Variants in CD81 observed in about 807,000 individuals in gnomAD.
The protein encoded by CD81 is CD81 molecule, also known as CD81 antigen.
In CD81, 10 loss-of-function variants were observed where a neutral mutation model predicts 30.1. That is an observed-to-expected ratio of 0.33 (90% confidence interval 0.21 to 0.56). The LOEUF (loss-of-function observed/expected upper bound fraction) is 0.56. Ranked by LOEUF, CD81 falls within the 20% of genes least tolerant of loss-of-function variation. The pLI is 0.89. For synonymous variants in CD81, 147 were observed against 126.4 expected (o/e 1.16, Z -1.10); for missense variants, 263 against 308.7 (o/e 0.85, Z 1.11).
At chr11:2,381,370 C>T (rs11825089) in intron 1 of CD81, among the ~76,000 whole-genome samples, 4,560 of 152,308 alleles carry the variant, frequency 0.03, 246 homozygotes, top group African/African-American at 0.1. Context: ...GGTGCATGCC[C>T]GAAAGCCCTC....
chr11:2,390,602 G>A, intron 2 of CD81, 76 bp downstream of exon 2: 1 of 1,031,198 alleles, frequency 9.7e-7, no homozygotes, highest in South Asian at 1.3e-5. Context: ...TTTGGATGGG[G>A]ACATGGAGGG....
chr11:2,376,810 T>C (rs534575704), upstream of CD81: 2 of 152,422 alleles, frequency 1.3e-5, no homozygotes, highest in South Asian at 4.1e-4. Context: ...GGGGGCCTCA[T>C]GCCTGCCCAG....
chr11:2,381,613 G>A (rs1191309583), intron 1 of CD81, among the ~76,000 whole-genome samples: 1 of 152,240 alleles, frequency 6.6e-6, no homozygotes, highest in Non-Finnish European at 1.5e-5. Flanking sequence ...GCCTGTGCGA[G>A]GGAGCAGGTC....
intron 1 of CD81, chr11:2,384,724 G>A (rs544198937): frequency 1.2e-5 from 2 of 164,216 alleles, no homozygotes; most frequent in African/African-American, 2.4e-5. Flanking sequence ...ATGGCTCTGT[G>A]GGGAGAGGGG....
rs775870569 is a variant in CD81 at position 2,396,608 on chromosome 11, G to A, written c.562-20G>A. On this transcript the variant is annotated intron_variant, in intron 6 of 7. Coordinates refer to ENST00000263645, the MANE Select transcript of CD81 (RefSeq NM_004356.4). ...GCCGAGGCCCGGTCCCTGACCACGC[G>A]TGCCTGGCCACCCCTGCAGGAGGAC... is the stretch of plus-strand genomic sequence containing the variant. 4.7e-5 allele frequency: 75 copies of A among 1,605,550 alleles called. No individual in the cohort carries two copies. The highest frequency in any genetic ancestry group is 8.0e-5 in the African/African-American group (6 of 74,800).
At chr11:2,395,243 TC>T in intron 4 of CD81, 172 bp from the exon 5 acceptor site, 1 of 727,332 alleles carries the variant, frequency 1.4e-6, no homozygotes, top group Non-Finnish European at 2.5e-6. Flanking sequence ...GCCTCCCGTG[TC>T]CCAGCACTCC....
rs371516232 is a variant in CD81, at chr11:2,396,815, G to A, written c.660G>A (p.Met220Ile). The A allele has an allele frequency of 1.2e-6, 2 of 1,612,704 alleles. No individual in the cohort carries two copies. Among genetic ancestry groups the A allele is most frequent in the African/African-American group, 1.3e-5 (1 of 74,944 alleles). The part of the protein sequence containing the change: ...IVVAVIMIFE[M>I]ILSMVLCCGI... ...CCACCCTCCTGCAGATCTTCGAGAT[G>A]ATCCTGAGCATGGTGCTGTGCTGTG... Residue 220 changes from methionine (M) to isoleucine (I), a missense_variant, in exon 8 of 8, where the codon ATG becomes ATA. Physicochemically the swap from Met to Ile is conservative, Grantham distance 10. Around this residue, in one of 3 missense-constraint regions of CD81, gnomAD observed 176 missense variants for 192.9 expected, o/e 0.91. Transcript: ENST00000263645.
chr11:2,387,000 C>T (rs1196083422), intron 1 of CD81, among the ~76,000 whole-genome samples: 2 of 152,244 alleles, frequency 1.3e-5, no homozygotes, highest in Non-Finnish European at 2.9e-5. Context: ...GAAGCTGCAA[C>T]GTGGCCTGAA....
At chr11:2,380,411 TCACA>T (rs1378637303) in intron 1 of CD81, among the ~76,000 whole-genome samples, 2 of 151,844 alleles carry the variant, frequency 1.3e-5, no homozygotes, top group East Asian at 1.9e-4. Context: ...GCACAGGCAC[TCACA>T]CACACGAATG....
Position 2,385,702 on chromosome 11 carries a change from T to G in CD81, c.67-4710T>G, listed in dbSNP as rs1003549424. 2 of 350,134 alleles carry G rather than the reference T, an allele frequency of 5.7e-6. 1 individual carries two copies. Among genetic ancestry groups the G allele is most frequent in the South Asian group, 4.3e-5 (2 of 46,260 alleles). 21.7% of individuals were successfully genotyped at this position (350,134 alleles called of 1,614,324 possible). Reference sequence around the variant, plus strand: ...CGTGCCGTGGCGTGCCCGTCGTCTGTGCACCCGTGCTGTGGTGTGCCCTTC... The same window carrying G: ...CGTGCCGTGGCGTGCCCGTCGTCTGGGCACCCGTGCTGTGGTGTGCCCTTC... On this transcript the variant is annotated intron_variant, in intron 1 of 7. Coordinates refer to ENST00000263645, the MANE Select transcript of CD81 (RefSeq NM_004356.4).
chr11:2,392,549 C>G (rs867859533), intron 2 of CD81: 1 of 152,364 alleles, frequency 6.6e-6, no homozygotes, highest in Non-Finnish European at 1.5e-5. Context: ...GTTGGCCACA[C>G]GACCACAGGA....
In CD81 at chr11:2,397,049, T is replaced by TC; in HGVS notation, c.*184dup. ...TCCTGTTACCTTTTCAGGGCTGACG[T>TC]CACATGTAGGTGGCGTGTATGAGTG... On this transcript the variant is annotated 3_prime_UTR_variant, in exon 8 of 8. Transcript: ENST00000263645. The TC allele has an allele frequency of 1.5e-6, 1 of 662,196 alleles. No individual in the cohort carries two copies. Among genetic ancestry groups the TC allele is most frequent in the Non-Finnish European group, 2.7e-6 (1 of 372,010 alleles). 41.0% of individuals were successfully genotyped at this position (662,196 alleles called of 1,614,324 possible).
intron 1 of CD81, chr11:2,386,247 G>T: frequency 1.4e-6 from 1 of 691,426 alleles, no homozygotes; most frequent in Non-Finnish European, 2.7e-6. Context: ...CAAAGATTGG[G>T]TTGCCAGTTT....
chr11:2,395,151 G>T, intron 4 of CD81, 105 bp downstream of exon 4: 1 of 972,312 alleles, frequency 1.0e-6, no homozygotes, highest in East Asian at 2.5e-5. Flanking sequence ...GGAGCTCTTT[G>T]GGCTCTTCCT....
At chr11:2,390,695 G>C (rs968213484) in intron 2 of CD81, among the ~76,000 whole-genome samples, 169 bp downstream of exon 2, 2 of 152,204 alleles carry the variant, frequency 1.3e-5, no homozygotes, top group Admixed American at 1.3e-4. Flanking sequence ...GATGGAGGTG[G>C]GCCTGTGGCC....
Position 2,395,910 on chromosome 11 carries a change from C to T in CD81, c.501C>T (p.Thr167=). The change falls in exon 6 of 8, where the codon ACC becomes ACT. Residue 167 remains threonine (T), a synonymous_variant. Coordinates refer to ENST00000263645, the MANE Select transcript of CD81 (RefSeq NM_004356.4). ...CCAGCACACTGACTGCTTTGACCAC[C>T]TCAGTGCTCAAGAACAATTTGTGTC... ...CGSSTLTALT[T]SVLKNNLCPS... The T allele has an allele frequency of 6.2e-7, 1 of 1,612,302 alleles. No individual in the cohort carries two copies. The highest frequency in any genetic ancestry group is 8.5e-7 in the Non-Finnish European group (1 of 1,179,588).
Position 2,396,699 on chromosome 11 carries a change from G to T in CD81, c.633G>T (p.Val211=), listed in dbSNP as rs1391764475. Residue 211 remains valine (V), a synonymous_variant, in exon 7 of 8, where the codon GTG becomes GTT. Coordinates refer to ENST00000263645, the MANE Select transcript of CD81 (RefSeq NM_004356.4). ...KLYLIGIAAI[V]VAVIMIFEMI... ...ACCTCATCGGCATTGCTGCCATCGT[G>T]GTCGCTGTGATCATGGTGAGCGGGC... 6.2e-7 allele frequency: 1 copy of T among 1,611,754 alleles called. No homozygotes were observed. Among genetic ancestry groups the T allele is most frequent in the African/African-American group, 1.3e-5 (1 of 75,050 alleles).
chr11:2,393,945 G>A lies in CD81; in HGVS notation c.182-150G>A, dbSNP rs1044289756. The A allele has an allele frequency of 1.3e-5, 9 of 715,980 alleles. No individual in the cohort carries two copies. The East Asian group carries it at 2.1e-4, about 17-fold the overall frequency. 44.4% of individuals were successfully genotyped at this position (715,980 alleles called of 1,614,324 possible). A position where few individuals can be genotyped will look rare whatever the true frequency, so the allele number is the denominator to read the frequency against. ...AAAACTCACCAGGCCAGGCTGGGAT[G>A]TGAGGTCCCTTGCTGCTCATCCCTG... On this transcript the variant is annotated intron_variant, in intron 2 of 7. Coordinates refer to ENST00000263645, the MANE Select transcript of CD81 (RefSeq NM_004356.4).
intron 3 of CD81, 134 bp from the exon 4 acceptor site, chr11:2,394,838 C>T (rs1439020786): frequency 2.4e-6 from 2 of 821,822 alleles, no homozygotes; most frequent in East Asian, 5.0e-5. Flanking sequence ...AAGCCGCTCA[C>T]TCCTGGTCAG....
Sources: allele counts gnomAD v4.1 joint callset (sites outside exome capture counted in the v4.1 genomes callset), GRCh38; gene constraint gnomAD v4.1.1; regional missense constraint gnomAD v4.1.1; transcripts MANE v1.5; gene names NCBI Gene and HGNC (gene_info 2026-07-23, HGNC 2026-07-21).